Variants in MLH3 observed in about 807,000 individuals in gnomAD.
The protein encoded by MLH3 is DNA mismatch repair protein Mlh3.
A neutral mutation model predicts 122.2 loss-of-function variants in MLH3; 82 were observed. The ratio of observed to expected loss-of-function variants is 0.67; its 90% CI spans 0.56 to 0.81. MLH3 has a LOEUF of 0.81. MLH3 is among the 30% of genes least tolerant of loss of function. MLH3 has a pLI of 0.00. For missense variants in MLH3, 1,539 were observed against 1,714.5 expected, an observed-to-expected ratio of 0.90 and a Z score of 1.81; for synonymous variants, 524 against 599.5, an observed-to-expected ratio of 0.87 and a Z score of 1.84.
rs1288170937 is a variant in MLH3, at chr14:75,041,713, G to A, written c.3380-13C>T. Reference sequence around the variant, plus strand: ...TCATCCACAGTATCTAGGGCAAAAGGGAACAGGTAAAGTTGGCATCCAGAA... The same window carrying A: ...TCATCCACAGTATCTAGGGCAAAAGAGAACAGGTAAAGTTGGCATCCAGAA... On this transcript the variant is annotated splice_polypyrimidine_tract_variant and intron_variant, in intron 3 of 12. Coordinates refer to ENST00000355774, the MANE Select transcript of MLH3 (RefSeq NM_001040108.2). 6.2e-7 allele frequency: 1 copy of A among 1,604,092 alleles called. No homozygotes were observed. Among genetic ancestry groups the A allele is most frequent in the Admixed American group, 1.7e-5 (1 of 60,006 alleles).
At chr14:75,039,845 C>CTATATATATATATATATATA (rs1566594267) in intron 5 of MLH3, 66 bp downstream of exon 5, 1 of 316,432 alleles carries the variant, frequency 3.2e-6, no homozygotes, top group Non-Finnish European at 4.7e-6. Flanking sequence ...AAGAGTTAGG[C>CTATATATATATATATATATA]CATATATATA....
At position 75,046,399 on chromosome 14, in the gene MLH3, G is replaced by A. The variant is rs2139543980; in HGVS notation, c.3257C>T (p.Ala1086Val). The change falls in exon 2 of 13, where the codon GCT becomes GTT. Residue 1086 changes from alanine (A) to valine (V), a missense_variant. Transcript: ENST00000355774. ...ACCATTCTCAAGTACAACATCCACA[G>A]CCACAGTTGTCAGGTCTTTAGTACA... ...AACTKDLTTV[A>V]VDVVLENGSQ... 6.2e-7 allele frequency: 1 copy of A among 1,614,122 alleles called. No individual in the cohort carries two copies.
In MLH3 at chr14:75,018,947, T is replaced by C; in HGVS notation, c.4124A>G (p.Gln1375Arg). 1 of 1,614,180 alleles carries C rather than the reference T, an allele frequency of 6.2e-7. No homozygotes were observed. The highest frequency in any genetic ancestry group is 8.5e-7 in the Non-Finnish European group (1 of 1,180,034). Residue 1375 changes from glutamine (Q) to arginine (R), a missense_variant, in exon 12 of 13, where the codon CAG becomes CGG. Physicochemically the swap from Gln to Arg is conservative, Grantham distance 43. Coordinates refer to ENST00000355774, the MANE Select transcript of MLH3 (RefSeq NM_001040108.2). Reference protein sequence around the residue: ...AIKFNDGLSLQESCRLIEALS... With the variant: ...AIKFNDGLSLRESCRLIEALS... ...AGCTTCAATAAGGCGGCAACTTTCC[T>C]GTAAGCTCAGGCCATCATTAAACTT...
rs28757028 is a variant in MLH3, at chr14:75,030,536, G to A, written c.3987+7C>T. 2 of 1,613,768 alleles carry A rather than the reference G, an allele frequency of 1.2e-6. No individual in the cohort carries two copies. Among genetic ancestry groups the A allele is most frequent in the South Asian group, 2.2e-5 (2 of 91,074 alleles). On this transcript the variant is annotated splice_region_variant and intron_variant, in intron 9 of 12. Coordinates refer to ENST00000355774, the MANE Select transcript of MLH3 (RefSeq NM_001040108.2). ...CAATTTCCTTAACATCTGCAGCTGTGTCTTACCTCCACAATACTCTTGGTC... is the reference window on the plus strand; with the variant it reads ...CAATTTCCTTAACATCTGCAGCTGTATCTTACCTCCACAATACTCTTGGTC...
intron 9 of MLH3, among the ~76,000 whole-genome samples, chr14:75,027,352 C>T (rs777506162): frequency 2.4e-4 from 36 of 151,378 alleles, no homozygotes; most frequent in African/African-American, 4.1e-4. Flanking sequence ...TTCCGCCTCC[C>T]GGGTTCAAGT....
Position 75,048,502 on chromosome 14 carries a change from T to G in MLH3, c.1154A>C (p.Asp385Ala), listed in dbSNP as rs775965471. The G allele has an allele frequency of 6.2e-7, 1 of 1,613,156 alleles. No individual in the cohort carries two copies. The highest frequency in any genetic ancestry group is 1.7e-5 in the Admixed American group (1 of 59,850). ...DATLQKRVTS[D>A]ERSNFQEACN... ...TGCTTCCTGGAAATTGCTCCTCTCA[T>G]CGGAAGTCACACGCTTCTGAAGAGT... The change falls in exon 2 of 13, where the codon GAT (aspartate) becomes GCT (alanine). Residue 385 changes from aspartate to alanine, a missense_variant. Asp to Ala is a moderately radical substitution (Grantham distance 126). Coordinates refer to ENST00000355774, the MANE Select transcript of MLH3 (RefSeq NM_001040108.2).
chr14:75,049,796 G>A (rs936538940), intron 1 of MLH3, 78 bp from the exon 2 acceptor site: 8 of 888,002 alleles, frequency 9.0e-6, no homozygotes, highest in Non-Finnish European at 1.4e-5. Context: ...TAGCACTTGA[G>A]GTAAATGAAA....
Position 75,039,880 on chromosome 14 carries a change from T to C in MLH3, c.3570+31A>G, listed in dbSNP as rs1338599715. On this transcript the variant is annotated intron_variant, in intron 5 of 12. Transcript: ENST00000355774. The stretch of plus-strand genomic sequence containing the variant: ...ATATATATATATATATATATATATA[T>C]ATTTATGAGATTTTGAAGTTAATCT... 1.1e-5 allele frequency: 6 copies of C among 548,862 alleles called. No homozygotes were observed. The East Asian group carries it at 2.6e-4, about 24-fold the overall frequency. 34.0% of individuals were successfully genotyped at this position (548,862 alleles called of 1,614,324 possible). A position where few individuals can be genotyped will look rare whatever the true frequency, so the allele number is the denominator to read the frequency against.
At chr14:75,036,802 C>T (rs992866317) in intron 6 of MLH3, 2 of 456,072 alleles carry the variant, frequency 4.4e-6, no homozygotes, top group East Asian at 1.4e-4. Flanking sequence ...TCCAATCCAT[C>T]ACCAAGCCCT....
chr14:75,021,935 C>T (rs1275901225), intron 11 of MLH3, among the ~76,000 whole-genome samples: 1 of 152,170 alleles, frequency 6.6e-6, no homozygotes, highest in Non-Finnish European at 1.5e-5. Flanking sequence ...AACCTCAATG[C>T]TCATCAATGG....
chr14:75,046,415 C>A lies in MLH3; in HGVS notation c.3241G>T (p.Asp1081Tyr). The A allele has an allele frequency of 6.2e-7, 1 of 1,614,154 alleles. No individual in the cohort carries two copies. Among genetic ancestry groups the A allele is most frequent in the South Asian group, 1.1e-5 (1 of 91,080 alleles). ...TEDIQAACTK[D>Y]LTTVAVDVVL... ...ACATCCACAGCCACAGTTGTCAGGT[C>A]TTTAGTACAAGCAGCCTGAATGTCC... Residue 1081 changes from aspartate (D) to tyrosine (Y), a missense_variant, in exon 2 of 13, where the codon GAC becomes TAC. Physicochemically the swap from Asp to Tyr is radical, Grantham distance 160. Coordinates refer to ENST00000355774, the MANE Select transcript of MLH3 (RefSeq NM_001040108.2).
At chr14:75,051,069 A>G (rs1265427577) in intron 1 of MLH3, 1 of 152,332 alleles carries the variant, frequency 6.6e-6, no homozygotes, top group African/African-American at 2.4e-5. Flanking sequence ...TGTAAACCCA[A>G]TGATTTCCTG....
At chr14:75,019,396 C>T (rs942360759) in intron 11 of MLH3, among the ~76,000 whole-genome samples, 56 of 108,938 alleles carry the variant, frequency 5.1e-4, no homozygotes, top group African/African-American at 1.8e-3. Flanking sequence ...GGCAACAAAG[C>T]GAGACTCCGT....
Position 75,048,607 on chromosome 14 carries a change from T to C in MLH3, c.1049A>G (p.Gln350Arg), listed in dbSNP as rs770643186. 1.2e-6 allele frequency: 2 copies of C among 1,613,958 alleles called. No individual in the cohort carries two copies. The highest frequency in any genetic ancestry group is 2.7e-5 in the African/African-American group (2 of 74,932). The change falls in exon 2 of 13, where the codon CAA becomes CGA. Residue 350 changes from glutamine (Q) to arginine (R), a missense_variant. Gln to Arg is a conservative substitution (Grantham distance 43). Transcript: ENST00000355774. ...TGATAATTCCACAAATAATTTTTCT[T>C]GCTTTAAAAACATTTTCACTCCTTC... ...IQEGVKMFLK[Q>R]EKLFVELSGE...
At chr14:75,039,504 T>C (rs1033947629) in intron 5 of MLH3, among the ~76,000 whole-genome samples, 1 of 152,068 alleles carries the variant, frequency 6.6e-6, no homozygotes, top group Non-Finnish European at 1.5e-5. Context: ...GCTCACACAA[T>C]AGAAGGTAAT....
At chr14:75,018,410 C>T (rs142002170) in intron 12 of MLH3, among the ~76,000 whole-genome samples, 271 of 152,302 alleles carry the variant, frequency 1.8e-3, no homozygotes, top group African/African-American at 6.3e-3. Flanking sequence ...TGGCCAGCTA[C>T]AGTCACAGAT....
At chr14:75,043,051 CAGG>C (rs1891979810) in intron 2 of MLH3, among the ~76,000 whole-genome samples, 1 of 152,232 alleles carries the variant, frequency 6.6e-6, no homozygotes, top group Admixed American at 6.5e-5. Context: ...GTTGGGATTA[CAGG>C]CGTGAGCCAC....
Position 75,022,868 on chromosome 14 carries a change from G to T in MLH3, c.4036C>A (p.Gln1346Lys), listed in dbSNP as rs772186498. The change falls in exon 11 of 13, where the codon CAA (glutamine) becomes AAA (lysine). Residue 1346 changes from glutamine (Q) to lysine (K), a missense_variant. By Grantham distance (53) the Gln-to-Lys change is moderately conservative. Coordinates refer to ENST00000355774, the MANE Select transcript of MLH3 (RefSeq NM_001040108.2). The stretch of plus-strand genomic sequence containing the variant: ...TGGACAGTCAGTGGCAATGTCCCTT[G>T]GATGCCTCCGGTGGTCTGGAGTAGC... Reference protein sequence around the residue: ...LELLQTTGGIQGTLPLTVQKV... With the variant: ...LELLQTTGGIKGTLPLTVQKV... 6.2e-7 allele frequency: 1 copy of T among 1,614,142 alleles called. No homozygotes were observed. The highest frequency in any genetic ancestry group is 8.5e-7 in the Non-Finnish European group (1 of 1,180,020).
Position 75,017,056 on chromosome 14 carries a change from T to C in MLH3, c.*26A>G. On this transcript the variant is annotated 3_prime_UTR_variant, in exon 13 of 13. Coordinates refer to ENST00000355774, the MANE Select transcript of MLH3 (RefSeq NM_001040108.2). The stretch of plus-strand genomic sequence containing the variant: ...GAGGCATACAGTGAACATCCCTTTG[T>C]TCCTTTTAGACCAGTGATTCTGTTC... 1.9e-6 allele frequency: 3 copies of C among 1,612,280 alleles called. No individual in the cohort carries two copies. The Admixed American group carries it at 5.0e-5, about 27-fold the overall frequency.
Sources: gnomAD v4.1 joint callset for allele counts (sites outside exome capture counted in the v4.1 genomes callset) on GRCh38, gnomAD v4.1.1 for gene constraint, MANE v1.5 for transcripts, NCBI Gene and HGNC (gene_info 2026-07-23, HGNC 2026-07-21) for gene names.